The following UBA6 variants were observed in gnomAD, a reference collection of about 807,000 sequenced individuals.
UBA6 encodes ubiquitin like modifier activating enzyme 6.
UBA6 carries 87 observed loss-of-function variants against 148.3 expected under a neutral mutation model. The ratio of observed to expected loss-of-function variants is 0.59; its 90% CI spans 0.49 to 0.70. UBA6 has a LOEUF of 0.70. UBA6 is among the 30% of genes least tolerant of loss of function. The pLI is 0.00. For synonymous variants in UBA6, 376 were observed against 401.0 expected (o/e 0.94, Z 0.75); for missense variants, 1,186 against 1,241.2 (o/e 0.96, Z 0.67).
intron 17 of UBA6, among the ~76,000 whole-genome samples, chr4:67,643,685 G>A (rs886454284): frequency 1.3e-5 from 2 of 151,808 alleles, no homozygotes; most frequent in African/African-American, 4.8e-5. Context: ...TTTCAGCTTG[G>A]CTACATTACA....
chr4:67,654,862 G>GA (rs141234627), intron 13 of UBA6, among the ~76,000 whole-genome samples: 27,667 of 131,952 alleles, frequency 0.21, 2,883 homozygotes, highest in Middle Eastern at 0.31. Flanking sequence ...CAAATGGAAA[G>GA]AAAAAAAAAA....
intron 19 of UBA6, among the ~76,000 whole-genome samples, chr4:67,637,317 G>A (rs1441668603): frequency 1.3e-5 from 2 of 149,614 alleles, no homozygotes. Context: ...GAGGGAGGTG[G>A]GGGCCAGCCC....
At chr4:67,658,656 C>A (rs1236029992) in intron 13 of UBA6, among the ~76,000 whole-genome samples, 1 of 151,968 alleles carries the variant, frequency 6.6e-6, no homozygotes, top group Admixed American at 6.6e-5. Context: ...ACCTATATAA[C>A]AAACTTGTAC....
intron 14 of UBA6, among the ~76,000 whole-genome samples, chr4:67,648,539 A>G (rs1394370992): frequency 2.0e-5 from 3 of 152,032 alleles, no homozygotes; most frequent in Admixed American, 6.6e-5. Flanking sequence ...CAACAGAGAG[A>G]GGGCCTGGAG....
At chr4:67,696,940 C>T (rs1245274542) in intron 1 of UBA6, among the ~76,000 whole-genome samples, 1 of 152,110 alleles carries the variant, frequency 6.6e-6, no homozygotes, top group Non-Finnish European at 1.5e-5. Context: ...TCTCAGATCT[C>T]AGGTGTTGTT....
chr4:67,660,224 C>T (rs1249852633), intron 13 of UBA6, among the ~76,000 whole-genome samples: 2 of 152,184 alleles, frequency 1.3e-5, no homozygotes, highest in South Asian at 2.1e-4. Context: ...TTCAAGTCAG[C>T]TGCAGAAATT....
At chr4:67,623,536 C>CA (rs1491493123) in intron 30 of UBA6, among the ~76,000 whole-genome samples, 3 of 152,046 alleles carry the variant, frequency 2.0e-5, no homozygotes, top group Non-Finnish European at 4.4e-5. Context: ...TCCAGTACCC[C>CA]ATTACTGGAC....
At chr4:67,639,709 T>G (rs1416805949) in intron 18 of UBA6, among the ~76,000 whole-genome samples, 1 of 152,170 alleles carries the variant, frequency 6.6e-6, no homozygotes, top group Non-Finnish European at 1.5e-5. Flanking sequence ...CTATATATAC[T>G]ATGTATTTTC....
At chr4:67,695,060 TTA>T (rs1332999088) in intron 2 of UBA6, among the ~76,000 whole-genome samples, 2 of 152,172 alleles carry the variant, frequency 1.3e-5, no homozygotes, top group Non-Finnish European at 2.9e-5. Context: ...CTACTGAAAA[TTA>T]TGTTTATCAG....
At chr4:67,648,979 G>A (rs963107048) in intron 14 of UBA6, 89 bp downstream of exon 14, 40 of 1,353,362 alleles carry the variant, frequency 3.0e-5, no homozygotes, top group African/African-American at 2.8e-4. Context: ...TTTTAAGGTC[G>A]CTTTTCTAAT....
At chr4:67,653,242 C>CCA (rs1729598668) in intron 13 of UBA6, among the ~76,000 whole-genome samples, 1 of 152,182 alleles carries the variant, frequency 6.6e-6, no homozygotes, top group African/African-American at 2.4e-5. Context: ...TCCCTGACCC[C>CCA]CATGTAGACT....
At chr4:67,674,329 G>A (rs894374266) in intron 6 of UBA6, among the ~76,000 whole-genome samples, 2 of 152,050 alleles carry the variant, frequency 1.3e-5, no homozygotes, top group Non-Finnish European at 2.9e-5. Flanking sequence ...GGCCCTTACC[G>A]CTCTTTACTT....
chr4:67,662,086 C>A (rs749325934), intron 13 of UBA6, 103 bp downstream of exon 13: 1 of 1,139,556 alleles, frequency 8.8e-7, no homozygotes, highest in Non-Finnish European at 1.3e-6. Context: ...TCTAATGCCA[C>A]AGAGTAGCAA....
chr4:67,681,419 A>G, intron 4 of UBA6, 144 bp downstream of exon 4: 1 of 540,776 alleles, frequency 1.8e-6, no homozygotes, highest in South Asian at 2.5e-5. Flanking sequence ...CTTTCTTTGT[A>G]TATTTTTTAA....
At chr4:67,641,076 T>G in intron 18 of UBA6, 75 bp downstream of exon 18, 1 of 878,552 alleles carries the variant, frequency 1.1e-6, no homozygotes, top group Non-Finnish European at 1.8e-6. Context: ...GTTCAATCAC[T>G]ATTTTCTATT....
rs79664975 is a variant in UBA6 at position 67,648,503 on chromosome 4, G to A, written c.1248+565C>T. 9.4e-3 allele frequency among the ~76,000 whole-genome samples: 1,429 copies of A among 151,732 alleles called. 18 individuals carry two copies. The highest frequency in any genetic ancestry group is 0.033 in the African/African-American group (1,349 of 41,402). Reference sequence around the variant, plus strand: ...AAAAATTAAAAAAAAAAGATAAATGGTATATTCAAAATGTTTATGGTGTTT... The same window carrying A: ...AAAAATTAAAAAAAAAAGATAAATGATATATTCAAAATGTTTATGGTGTTT... On this transcript the variant is annotated intron_variant, in intron 14 of 32. Transcript: ENST00000322244.
intron 19 of UBA6, among the ~76,000 whole-genome samples, chr4:67,636,389 G>A (rs922984517): frequency 5.3e-5 from 8 of 152,070 alleles, no homozygotes; most frequent in East Asian, 3.9e-4. Context: ...TCCTGCTCCC[G>A]CTCCCCACGG....
chr4:67,673,722 C>T lies in UBA6; in HGVS notation c.521G>A (p.Cys174Tyr). Residue 174 changes from cysteine (C) to tyrosine (Y), a missense_variant, in exon 7 of 33, where the codon TGC becomes TAC. Transcript: ENST00000322244. Reference protein sequence around the residue: ...LPLQKKINDFCRSQCPPIKFI... With the variant: ...LPLQKKINDFYRSQCPPIKFI... ...CTTAATTGGAGGGCACTGAGAACGG[C>T]AAAAGTCATTGATCTTCTTCTGCAA... is the stretch of plus-strand genomic sequence containing the variant. 1 of 1,611,428 alleles carries T rather than the reference C, an allele frequency of 6.2e-7. No homozygotes were observed. Among genetic ancestry groups the T allele is most frequent in the Non-Finnish European group, 8.5e-7 (1 of 1,178,220 alleles).
chr4:67,650,134 G>A (rs1217537101), intron 13 of UBA6, among the ~76,000 whole-genome samples: 1 of 152,078 alleles, frequency 6.6e-6, no homozygotes, highest in Non-Finnish European at 1.5e-5. Context: ...ATTTTTGAAT[G>A]CAGATATTGT....
Sources: gnomAD v4.1 joint callset for allele counts (sites outside exome capture counted in the v4.1 genomes callset) on GRCh38, gnomAD v4.1.1 for gene constraint, MANE v1.5 for transcripts, NCBI Gene and HGNC (gene_info 2026-07-23, HGNC 2026-07-21) for gene names.